PDZD2: variants seen among roughly 807,000 people sequenced by gnomAD.
PDZD2 encodes the protein PDZ domain-containing protein 2.
A neutral mutation model predicts 220.7 loss-of-function variants in PDZD2; 90 were observed. The ratio of observed to expected loss-of-function variants is 0.41; its 90% CI spans 0.34 to 0.49. PDZD2 has a LOEUF of 0.49. Ranked by LOEUF, PDZD2 falls within the 20% of genes least tolerant of loss-of-function variation. The probability of loss-of-function intolerance (pLI) is 0.28; values close to 1 mark genes in which losing one functional copy is unlikely to be tolerated. For synonymous variants in PDZD2, 1,375 were observed against 1,450.5 expected (o/e 0.95, Z 1.18); for missense variants, 3,174 against 3,608.5 (o/e 0.88, Z 3.08).
intron 2 of PDZD2, among the ~76,000 whole-genome samples, chr5:31,863,928 A>T (rs1341952378): frequency 6.6e-6 from 1 of 152,210 alleles, no homozygotes; most frequent in African/African-American, 2.4e-5. Flanking sequence ...AGATATATAT[A>T]TGCATGTGAG....
At position 32,098,432 on chromosome 5, in the gene PDZD2, G is replaced by C; in HGVS notation, c.8016G>C (p.Leu2672=). Residue 2672 remains leucine, a synonymous_variant, in exon 23 of 25, where the codon CTG becomes CTC. Coordinates refer to ENST00000438447, the MANE Select transcript of PDZD2 (RefSeq NM_178140.4). This position sits in a 1 kb window ranked among gnomAD's most constrained non-coding sequence, Gnocchi z 4.1. ...EGTMNRGDFL[L]SVNGASLAGL... ...CTATGAACCGAGGGGATTTCCTTCT[G>C]TCAGTCAACGGCGCCTCACTGGCTG... is the stretch of plus-strand genomic sequence containing the variant. 6.2e-7 allele frequency: 1 copy of C among 1,614,150 alleles called. No individual in the cohort carries two copies.
rs1238298484 is a variant in PDZD2 at position 32,089,147 on chromosome 5, C to A, written c.5699C>A (p.Ala1900Asp). 7 of 1,613,944 alleles carry A rather than the reference C, an allele frequency of 4.3e-6. No individual in the cohort carries two copies. Among genetic ancestry groups the A allele is most frequent in the Non-Finnish European group, 5.1e-6 (6 of 1,179,976 alleles). The change falls in exon 20 of 25, where the codon GCC becomes GAC. Residue 1900 changes from alanine (A) to aspartate (D), a missense_variant. Ala to Asp is a moderately radical substitution (Grantham distance 126, BLOSUM62 -2). Around this residue, in one of 4 missense-constraint regions of PDZD2, gnomAD observed 1,861 missense variants for 2,001.0 expected, o/e 0.93. Transcript: ENST00000438447. ...LKGKAKVNSEAPAANAVKAGG... is the reference protein window; with the variant it reads ...LKGKAKVNSEDPAANAVKAGG... ...GGCAAGGCCAAAGTCAACTCTGAGG[C>A]CCCTGCTGCGAATGCTGTGAAGGCT...
intron 6 of PDZD2, among the ~76,000 whole-genome samples, chr5:32,035,711 C>T (rs997358135): frequency 6.6e-6 from 1 of 152,130 alleles, no homozygotes; most frequent in Non-Finnish European, 1.5e-5. Flanking sequence ...ACTATAATTA[C>T]ATCACCTTTT....
At chr5:32,092,779 C>A in intron 20 of PDZD2, 128 bp from the exon 21 acceptor site, 1 of 496,074 alleles carries the variant, frequency 2.0e-6, no homozygotes, top group Non-Finnish European at 3.6e-6. Flanking sequence ...GAAGTTTTGA[C>A]CAAAAGAGAG....
intron 2 of PDZD2, among the ~76,000 whole-genome samples, chr5:31,901,899 A>G (rs1318148346): frequency 6.6e-6 from 1 of 152,036 alleles, no homozygotes; most frequent in Non-Finnish European, 1.5e-5. Context: ...CACTTAGCAC[A>G]TTTTCAGTGT....
At chr5:31,756,803 G>A (rs1259855659) in intron 1 of PDZD2, among the ~76,000 whole-genome samples, 1 of 152,268 alleles carries the variant, frequency 6.6e-6, no homozygotes, top group Admixed American at 6.5e-5. Flanking sequence ...TTTCTTCTAA[G>A]TTGGCCCTGC....
chr5:32,080,968 A>G (rs1055458351), intron 19 of PDZD2, among the ~76,000 whole-genome samples: 3 of 152,196 alleles, frequency 2.0e-5, no homozygotes, highest in Non-Finnish European at 4.4e-5. Flanking sequence ...TAGCTAATGC[A>G]TGCAGGGCTT....
intron 6 of PDZD2, among the ~76,000 whole-genome samples, chr5:32,021,007 G>GA (rs201973889): frequency 1.3e-5 from 2 of 150,954 alleles, no homozygotes; most frequent in Non-Finnish European, 2.9e-5. Flanking sequence ...GTGCCGGGGG[G>GA]AAAAAAACCC....
At chr5:31,786,885 T>A (rs1192921372) in intron 1 of PDZD2, among the ~76,000 whole-genome samples, 1 of 152,154 alleles carries the variant, frequency 6.6e-6, no homozygotes, top group African/African-American at 2.4e-5. Context: ...AGAATTTAAA[T>A]ACAGTAAATA....
chr5:32,104,075 T>TA (rs1241020822), intron 24 of PDZD2: 1 of 152,208 alleles, frequency 6.6e-6, no homozygotes, highest in Non-Finnish European at 1.5e-5. Flanking sequence ...CTGAGTATGA[T>TA]ACGGCAGATC....
At chr5:32,026,710 A>G (rs570933420) in intron 6 of PDZD2, among the ~76,000 whole-genome samples, 2 of 152,304 alleles carry the variant, frequency 1.3e-5, no homozygotes, top group South Asian at 4.1e-4. Context: ...CCCCAAATCC[A>G]AAGAATAGCT....
At chr5:31,818,871 T>C (rs777967991) in intron 2 of PDZD2, among the ~76,000 whole-genome samples, 4 of 152,226 alleles carry the variant, frequency 2.6e-5, no homozygotes, top group Non-Finnish European at 5.9e-5. Context: ...AGCTCTATCA[T>C]GCTAACTCAA....
intron 1 of PDZD2, among the ~76,000 whole-genome samples, chr5:31,697,194 G>A (rs967818102): frequency 2.0e-5 from 3 of 152,192 alleles, no homozygotes; most frequent in Admixed American, 6.5e-5. Context: ...TGAGCGTGGC[G>A]GCTCACACCT....
chr5:31,883,216 CTTTTT>C (rs58100064), intron 2 of PDZD2, among the ~76,000 whole-genome samples: 1 of 94,476 alleles, frequency 1.1e-5, no homozygotes, highest in Non-Finnish European at 2.0e-5. Flanking sequence ...AGCATGCTAC[CTTTTT>C]TTTTTTTTTT....
At chr5:32,079,291 A>G (rs1232480727) in intron 19 of PDZD2, among the ~76,000 whole-genome samples, 1 of 150,846 alleles carries the variant, frequency 6.6e-6, no homozygotes, top group African/African-American at 2.5e-5. Flanking sequence ...AAAAAAAAAA[A>G]AGGAAATCTG....
At chr5:31,928,650 A>G (rs1288151076) in intron 2 of PDZD2, among the ~76,000 whole-genome samples, 1 of 151,918 alleles carries the variant, frequency 6.6e-6, no homozygotes, top group East Asian at 1.9e-4. Flanking sequence ...TAATTTTTGT[A>G]TTTTTAGTAG....
In PDZD2 at chr5:32,089,616, C is replaced by G. The variant is rs200938582; in HGVS notation, c.6168C>G (p.Arg2056=). 3.2e-5 allele frequency: 51 copies of G among 1,613,078 alleles called. No homozygotes were observed. Among genetic ancestry groups the G allele is most frequent in the Non-Finnish European group, 4.0e-5 (47 of 1,179,938 alleles). ...SVAGNRQSEP[R]LASHVAADTA... ...CAGGGAACAGACAGAGTGAGCCGCG[C>G]CTGGCCAGCCATGTGGCAGCAGACA... is the stretch of plus-strand genomic sequence containing the variant. The change falls in exon 20 of 25, where the codon CGC becomes CGG. Residue 2056 remains arginine, a synonymous_variant. Coordinates refer to ENST00000438447, the MANE Select transcript of PDZD2 (RefSeq NM_178140.4).
intron 1 of PDZD2, among the ~76,000 whole-genome samples, chr5:31,693,431 G>A (rs1480271160): frequency 6.6e-6 from 1 of 152,028 alleles, no homozygotes; most frequent in African/African-American, 2.4e-5. Flanking sequence ...TAGTAAAGAC[G>A]GGGTGTCATC....
intron 2 of PDZD2, among the ~76,000 whole-genome samples, chr5:31,850,313 G>A (rs1024731536): frequency 4.9e-5 from 6 of 123,498 alleles, no homozygotes; most frequent in African/African-American, 1.1e-4. Flanking sequence ...TATTTTTAGC[G>A]ATGCCCATCC....
Sources: gnomAD v4.1 joint callset for allele counts (sites outside exome capture counted in the v4.1 genomes callset) on GRCh38, gnomAD v4.1.1 for gene constraint, gnomAD v4.1.1 regional missense constraint, Gnocchi (gnomAD v3.1) non-coding constraint, MANE v1.5 for transcripts, NCBI Gene and HGNC (gene_info 2026-07-23, HGNC 2026-07-21) for gene names.